The following TAF4B variants were observed in gnomAD, a reference collection of about 807,000 sequenced individuals.
TAF4B encodes transcription initiation factor TFIID subunit 4B.
In TAF4B, 38 loss-of-function variants were observed where a neutral mutation model predicts 86.4. The observed-to-expected ratio is 0.44, with a 90% CI of 0.34 to 0.58. TAF4B has a LOEUF of 0.58. TAF4B is among the 20% of genes least tolerant of loss of function. TAF4B has a pLI of 0.02. For missense variants in TAF4B, 988 were observed against 1,027.6 expected (o/e 0.96, Z 0.53); for synonymous variants, 388 against 391.2 (o/e 0.99, Z 0.10).
chr18:26,354,577 A>C (rs558612657), intron 13 of TAF4B, among the ~76,000 whole-genome samples: 15 of 152,190 alleles, frequency 9.9e-5, no homozygotes, highest in Non-Finnish European at 2.2e-4. Context: ...GAGCTGTTAG[A>C]AACTGTGTTA....
chr18:26,354,112 G>C (rs1468449146), intron 13 of TAF4B, among the ~76,000 whole-genome samples: 1 of 152,200 alleles, frequency 6.6e-6, no homozygotes, highest in Admixed American at 6.5e-5. Flanking sequence ...ATCTCACTCT[G>C]TTGCCCAAGC....
At chr18:26,305,985 G>T (rs566109119) in intron 9 of TAF4B, among the ~76,000 whole-genome samples, 1 of 152,236 alleles carries the variant, frequency 6.6e-6, no homozygotes, top group African/African-American at 2.4e-5. Flanking sequence ...ATTTGGTAAG[G>T]TTGTAGGGAA....
Position 26,350,253 on chromosome 18 carries a change from C to T in TAF4B, c.2317-7437C>T, listed in dbSNP as rs574293059. Among the ~76,000 whole-genome samples the T allele has an allele frequency of 2.6e-5, 4 of 152,070 alleles. No individual in the cohort carries two copies. In the East Asian group the frequency reaches 5.8e-4, roughly 22 times the overall value. On this transcript the variant is annotated intron_variant, in intron 13 of 14. Coordinates refer to ENST00000269142, the MANE Select transcript of TAF4B (RefSeq NM_005640.3). ...TTTGCATAGCAAAGGAAACAATCCACAGAGTAAAAAAAATAAGACTACAGA... is the reference window on the plus strand; with the variant it reads ...TTTGCATAGCAAAGGAAACAATCCATAGAGTAAAAAAAATAAGACTACAGA...
chr18:26,352,901 T>C (rs757719164), intron 13 of TAF4B, among the ~76,000 whole-genome samples: 14 of 152,236 alleles, frequency 9.2e-5, no homozygotes, highest in Non-Finnish European at 1.6e-4. Context: ...ATCTTTATTT[T>C]TTTAGTTCTG....
At chr18:26,304,493 T>A (rs2056774430) in intron 9 of TAF4B, among the ~76,000 whole-genome samples, 1 of 152,166 alleles carries the variant, frequency 6.6e-6, no homozygotes, top group South Asian at 2.1e-4. Context: ...AATCTAAAAC[T>A]TTGTGGGACA....
rs950100659 is a variant in TAF4B, at chr18:26,277,595, T to G, written c.882+2542T>G. The stretch of plus-strand genomic sequence containing the variant: ...TCTGTTTTGTGATATGTTATTTTTT[T>G]GGGAGTATTTGGAGAATATCTGGTC... On this transcript the variant is annotated intron_variant, in intron 5 of 14. Transcript: ENST00000269142. Among the ~76,000 whole-genome samples, 10 of 152,340 alleles carry G rather than the reference T, an allele frequency of 6.6e-5. No individual in the cohort carries two copies. The South Asian group carries it at 1.0e-3, about 16-fold the overall frequency.
intron 1 of TAF4B, among the ~76,000 whole-genome samples, chr18:26,240,216 A>G (rs1181679530): frequency 1.3e-5 from 2 of 152,202 alleles, no homozygotes; most frequent in Non-Finnish European, 2.9e-5. Flanking sequence ...CTTCCTATCC[A>G]TGAGCATGGA....
At chr18:26,301,285 T>G (rs900207759) in intron 9 of TAF4B, among the ~76,000 whole-genome samples, 46 of 149,524 alleles carry the variant, frequency 3.1e-4, no homozygotes, top group African/African-American at 1.1e-3. Context: ...CTTTGGTTGT[T>G]GTTGTTGTTT....
At chr18:26,229,494 C>CTTTTTTTTTTTTTTTTTTTTTTTTTTTT (rs34261854) in intron 1 of TAF4B, among the ~76,000 whole-genome samples, 3 of 129,376 alleles carry the variant, frequency 2.3e-5, no homozygotes, top group Admixed American at 8.1e-5. Context: ...TTCTTTCTTT[C>CTTTTTTTTTTTTTTTTTTTTTTTTTTTT]TTTTTTTTTT....
chr18:26,388,948 A>C (rs1265319099), intron 14 of TAF4B, among the ~76,000 whole-genome samples: 1 of 152,096 alleles, frequency 6.6e-6, no homozygotes, highest in African/African-American at 2.4e-5. Flanking sequence ...GGTAGCTGGG[A>C]TTACAGGCAT....
At chr18:26,330,819 T>G (rs1190510096) in intron 12 of TAF4B, among the ~76,000 whole-genome samples, 3 of 152,180 alleles carry the variant, frequency 2.0e-5, no homozygotes, top group Non-Finnish European at 4.4e-5. Flanking sequence ...CTTGATATAT[T>G]TAACTTATGT....
chr18:26,379,145 C>T (rs930222370), intron 14 of TAF4B, among the ~76,000 whole-genome samples: 1 of 152,034 alleles, frequency 6.6e-6, no homozygotes, highest in African/African-American at 2.4e-5. Flanking sequence ...ATTTCATACT[C>T]CCTTTAGCAA....
At chr18:26,317,301 G>T (rs1282207967) in intron 10 of TAF4B, among the ~76,000 whole-genome samples, 2 of 152,046 alleles carry the variant, frequency 1.3e-5, no homozygotes, top group African/African-American at 4.8e-5. Flanking sequence ...GAAATGCTGG[G>T]GTTACAGTCG....
chr18:26,384,140 C>T (rs1045066006), intron 14 of TAF4B, among the ~76,000 whole-genome samples: 1 of 152,134 alleles, frequency 6.6e-6, no homozygotes, highest in African/African-American at 2.4e-5. Flanking sequence ...AAGACTTGAG[C>T]TATCCCTTAA....
rs201370746 is a variant in TAF4B at position 26,283,428 on chromosome 18, CT to C, written c.972+1380del. Reference sequence around the variant, plus strand: ...TGAGTGGTAATATTTTGAAAATAATCTTTTTTTTTTTTCTTCTGAGCAGTAG... The same window carrying C: ...TGAGTGGTAATATTTTGAAAATAATCTTTTTTTTTTTCTTCTGAGCAGTAG... On this transcript the variant is annotated intron_variant, in intron 6 of 14. Transcript: ENST00000269142. 4.3e-3 allele frequency among the ~76,000 whole-genome samples: 628 copies of C among 146,596 alleles called. 5 individuals carry two copies. Among genetic ancestry groups the C allele is most frequent in the African/African-American group, 0.014 (579 of 40,044 alleles).
In TAF4B at chr18:26,285,864, A is replaced by G. The variant is rs747722343; in HGVS notation, c.973-18A>G. ...TGATTTGTTAGCAGTGTTTTTTTCC[A>G]TTCCTCTGCATTTCCAGAAAAGCGT... On this transcript the variant is annotated intron_variant, in intron 6 of 14. Transcript: ENST00000269142. 9 of 1,585,130 alleles carry G rather than the reference A, an allele frequency of 5.7e-6. No homozygotes were observed. The highest frequency in any genetic ancestry group is 6.0e-6 in the Non-Finnish European group (7 of 1,165,888).
chr18:26,369,513 A>G (rs921504723), intron 14 of TAF4B, among the ~76,000 whole-genome samples: 1 of 152,218 alleles, frequency 6.6e-6, no homozygotes, highest in Admixed American at 6.5e-5. Flanking sequence ...AGCAAGGGCC[A>G]TGAAGCATTT....
At chr18:26,376,541 G>A (rs1450726904) in intron 14 of TAF4B, among the ~76,000 whole-genome samples, 1 of 150,312 alleles carries the variant, frequency 6.7e-6, no homozygotes, top group Non-Finnish European at 1.5e-5. Context: ...TTATCCTGCA[G>A]CCTTGCTGAA....
At chr18:26,372,704 C>T (rs573226446) in intron 14 of TAF4B, among the ~76,000 whole-genome samples, 22 of 152,226 alleles carry the variant, frequency 1.4e-4, no homozygotes, top group African/African-American at 5.3e-4. Flanking sequence ...GGCGCGGTGG[C>T]TCATGCCTGT....
Sources: gnomAD v4.1 joint callset for allele counts (sites outside exome capture counted in the v4.1 genomes callset) on GRCh38, gnomAD v4.1.1 for gene constraint, MANE v1.5 for transcripts, NCBI Gene and HGNC (gene_info 2026-07-23, HGNC 2026-07-21) for gene names.